The following PARP2 variants were observed in gnomAD, a reference collection of about 807,000 sequenced individuals.
PARP2 encodes poly [ADP-ribose] polymerase 2.
PARP2 carries 57 observed loss-of-function variants against 77.8 expected under a neutral mutation model. The ratio of observed to expected loss-of-function variants is 0.73; its 90% CI spans 0.59 to 0.91. The LOEUF is 0.91. Ranked by LOEUF, PARP2 falls within the 40% of genes least tolerant of loss-of-function variation. PARP2 has a pLI of 0.00. For synonymous variants in PARP2, 226 were observed against 242.6 expected (o/e 0.93, Z 0.64); for missense variants, 651 against 689.0 (o/e 0.94, Z 0.62).
Position 20,357,032 on chromosome 14 carries a change from A to C in PARP2, c.1330-19A>C. Reference sequence around the variant, plus strand: ...CAGTGGGTTAGAAGCTGACCTTGGTATTCATGTATATATTTCAGTTTGGGA... The same window carrying C: ...CAGTGGGTTAGAAGCTGACCTTGGTCTTCATGTATATATTTCAGTTTGGGA... On this transcript the variant is annotated intron_variant, in intron 13 of 15. Coordinates refer to ENST00000429687, the MANE Select transcript of PARP2 (RefSeq NM_001042618.2). 7.0e-6 allele frequency: 10 copies of C among 1,426,262 alleles called. No homozygotes were observed. The highest frequency in any genetic ancestry group is 1.4e-5 in the African/African-American group (1 of 71,422). The allele number at this position is 1,426,262 out of a possible 1,614,324, so 88.4% of individuals were successfully genotyped here. A position where few individuals can be genotyped will look rare whatever the true frequency, so the allele number is the denominator to read the frequency against.
chr14:20,356,663 C>T lies in PARP2; in HGVS notation c.1303C>T (p.Pro435Ser), dbSNP rs748252703. 6.2e-7 allele frequency: 1 copy of T among 1,613,552 alleles called. No homozygotes were observed. Among genetic ancestry groups the T allele is most frequent in the Non-Finnish European group, 8.5e-7 (1 of 1,179,492 alleles). ...GAGCCATGGGCTTCGAATTGCCCCA[C>T]CTGAAGCTCCCATCACAGGTTACAT... ...ILSHGLRIAP[P>S]EAPITGYMFG... is the part of the protein sequence containing the mutation. The change falls in exon 13 of 16, where the codon CCT becomes TCT. Residue 435 changes from proline (P) to serine (S), a missense_variant. Transcript: ENST00000429687.
At chr14:20,356,930 G>A in intron 13 of PARP2, 121 bp from the exon 14 acceptor site, 1 of 746,542 alleles carries the variant, frequency 1.3e-6, no homozygotes, top group African/African-American at 1.7e-5. Flanking sequence ...GAATTGTGAG[G>A]GGAAATGGAG....
intron 7 of PARP2, 146 bp downstream of exon 7, chr14:20,352,493 C>G: frequency 1.9e-6 from 1 of 535,658 alleles, no homozygotes; most frequent in Non-Finnish European, 3.3e-6. Context: ...AGTGATCCTC[C>G]CACCTCAGCC....
Position 20,345,400 on chromosome 14 carries a change from T to G in PARP2, c.209T>G (p.Val70Gly). ...CCTATCTGTCTTTCCTCAGAATCTGTGAAGGCCTTGCTGTTAAAGGGCAAA... is the reference window on the plus strand; with the variant it reads ...CCTATCTGTCTTTCCTCAGAATCTGGGAAGGCCTTGCTGTTAAAGGGCAAA... ...DRTEDKQDES[V>G]KALLLKGKAP... is the part of the protein sequence containing the mutation. The change falls in exon 3 of 16, where the codon GTG becomes GGG. Residue 70 changes from valine to glycine, a missense_variant. Physicochemically the swap from Val to Gly is moderately radical, Grantham distance 109. Transcript: ENST00000429687. The G allele has an allele frequency of 2.5e-6, 4 of 1,613,340 alleles. No individual in the cohort carries two copies. Among genetic ancestry groups the G allele is most frequent in the Non-Finnish European group, 3.4e-6 (4 of 1,179,308 alleles).
At position 20,352,261 on chromosome 14, in the gene PARP2, A is replaced by AC; in HGVS notation, c.514_515insC (p.Lys172ThrfsTer11). On this transcript the variant is annotated frameshift_variant, in exon 7 of 16. Coordinates refer to ENST00000429687, the MANE Select transcript of PARP2 (RefSeq NM_001042618.2). LOFTEE classifies it high-confidence loss of function. ...ACTCTACAGATTCCTTGACAAAACG[A>AC]AAAACAATTGGGAAGATCGAGAAAA... is the stretch of plus-strand genomic sequence containing the variant. 1 of 1,611,830 alleles carries AC rather than the reference A, an allele frequency of 6.2e-7. No individual in the cohort carries two copies. The highest frequency in any genetic ancestry group is 8.5e-7 in the Non-Finnish European group (1 of 1,177,928).
chr14:20,347,576 TTTTTTGGTA>T (rs1417189147), intron 4 of PARP2, among the ~76,000 whole-genome samples: 1 of 149,444 alleles, frequency 6.7e-6, no homozygotes, highest in East Asian at 2.0e-4. Context: ...GTCTGGCTAA[TTTTTTGGTA>T]TTTTTAGTAG....
At chr14:20,353,701 A>G (rs1459238472) in intron 7 of PARP2, among the ~76,000 whole-genome samples, 1 of 152,244 alleles carries the variant, frequency 6.6e-6, no homozygotes, top group Non-Finnish European at 1.5e-5. Flanking sequence ...CTGTCCGGAA[A>G]CAGTCACATA....
chr14:20,353,991 T>C (rs141664118), intron 7 of PARP2, 94 bp from the exon 8 acceptor site: 3 of 1,041,478 alleles, frequency 2.9e-6, no homozygotes, highest in Non-Finnish European at 4.3e-6. Context: ...ATAAAAACTT[T>C]ACAAAGCATT....
At position 20,357,862 on chromosome 14, in the gene PARP2, T is replaced by G; in HGVS notation, c.*65T>G. 1.4e-6 allele frequency: 2 copies of G among 1,437,672 alleles called. No homozygotes were observed. The highest frequency in any genetic ancestry group is 1.9e-6 in the Non-Finnish European group (2 of 1,040,242). The allele number at this position is 1,437,672 out of a possible 1,614,324, so 89.1% of individuals were successfully genotyped here. ...AAGAAAATAAGCAGTGTTGTACTTG[T>G]GAATTTTGTGATATTTTATGTAATA... On this transcript the variant is annotated 3_prime_UTR_variant, in exon 16 of 16. Coordinates refer to ENST00000429687, the MANE Select transcript of PARP2 (RefSeq NM_001042618.2).
At chr14:20,355,177 A>G (rs570949471) in intron 9 of PARP2, 4 of 429,446 alleles carry the variant, frequency 9.3e-6, no homozygotes, top group Non-Finnish European at 1.2e-5. Context: ...GAAGTTACCA[A>G]CCCAAGAGAG....
chr14:20,354,952 G>A lies in PARP2; in HGVS notation c.902+5G>A. 6.2e-7 allele frequency: 1 copy of A among 1,609,394 alleles called. No homozygotes were observed. The highest frequency in any genetic ancestry group is 8.5e-7 in the Non-Finnish European group (1 of 1,178,212). ...CAGGATTCCGCATGACTTTGGGTAA[G>A]GCCTGTGCTGTTACTTCACTTTGTT... On this transcript the variant is annotated splice_donor_5th_base_variant and intron_variant, in intron 9 of 15. Coordinates refer to ENST00000429687, the MANE Select transcript of PARP2 (RefSeq NM_001042618.2).
At position 20,344,860 on chromosome 14, in the gene PARP2, T is replaced by C. The variant is rs955560888; in HGVS notation, c.47-72T>C. ...TATCTTAAACCATTTCTTTAAAAGA[T>C]TTTTTTCAATCTTTAAAATCTACAC... On this transcript the variant is annotated intron_variant, in intron 1 of 15. Transcript: ENST00000429687. The C allele has an allele frequency of 6.0e-6, 6 of 1,002,214 alleles. No individual in the cohort carries two copies. The East Asian group carries it at 1.4e-4, about 24-fold the overall frequency. 62.1% of individuals were successfully genotyped at this position (1,002,214 alleles called of 1,614,324 possible).
At chr14:20,344,611 G>A (rs533910739) in intron 1 of PARP2, among the ~76,000 whole-genome samples, 10 of 152,258 alleles carry the variant, frequency 6.6e-5, no homozygotes, top group African/African-American at 1.7e-4. Flanking sequence ...TCACGAGTTC[G>A]AGACCAGCCT....
rs1883679626 is a variant in PARP2 at position 20,345,424 on chromosome 14, A to T, written c.233A>T (p.Lys78Ile). Residue 78 changes from lysine (K) to isoleucine (I), a missense_variant, in exon 3 of 16, where the codon AAA becomes ATA. Lys to Ile is a moderately radical substitution (Grantham distance 102). Transcript: ENST00000429687. ...GTGAAGGCCTTGCTGTTAAAGGGCA[A>T]AGCTCCTGTGGACCCAGAGTGTACA... ...ESVKALLLKG[K>I]APVDPECTAK... The T allele has an allele frequency of 6.2e-7, 1 of 1,613,934 alleles. No individual in the cohort carries two copies. The highest frequency in any genetic ancestry group is 1.1e-5 in the South Asian group (1 of 91,092).
chr14:20,352,387 T>C lies in PARP2; in HGVS notation c.600+40T>C, dbSNP rs777390746. On this transcript the variant is annotated intron_variant, in intron 7 of 15. Transcript: ENST00000429687. ...ACTTTTCGAAAGAAACACATCTTCTTTTTTTATTTTATTTTTTAGAGGCAA... is the reference window on the plus strand; with the variant it reads ...ACTTTTCGAAAGAAACACATCTTCTCTTTTTATTTTATTTTTTAGAGGCAA... 3 of 1,261,434 alleles carry C rather than the reference T, an allele frequency of 2.4e-6. No homozygotes were observed. In the African/African-American group the frequency reaches 4.5e-5, roughly 19 times the overall value. The allele number at this position is 1,261,434 out of a possible 1,614,324, so 78.1% of individuals were successfully genotyped here. A position where few individuals can be genotyped will look rare whatever the true frequency, so the allele number is the denominator to read the frequency against.
intron 4 of PARP2, among the ~76,000 whole-genome samples, chr14:20,349,395 C>A (rs1883880422): frequency 6.6e-6 from 1 of 151,660 alleles, no homozygotes; most frequent in African/African-American, 2.4e-5. Flanking sequence ...TCAAGCTGGG[C>A]ATGGTGGCTT....
intron 1 of PARP2, among the ~76,000 whole-genome samples, 164 bp from the exon 2 acceptor site, chr14:20,344,768 G>A (rs1566415834): frequency 6.6e-6 from 1 of 152,128 alleles, no homozygotes; most frequent in Non-Finnish European, 1.5e-5. Flanking sequence ...AGCCAAGATC[G>A]CACCACTGCA....
intron 14 of PARP2, 112 bp from the exon 15 acceptor site, chr14:20,357,284 G>A: frequency 6.7e-6 from 9 of 1,352,212 alleles, no homozygotes; most frequent in Non-Finnish European, 9.4e-6. Flanking sequence ...CTAGTACATT[G>A]GATTCCTCTG....
intron 14 of PARP2, 110 bp from the exon 15 acceptor site, chr14:20,357,286 A>C (rs1884193162): frequency 7.4e-7 from 1 of 1,359,680 alleles, no homozygotes; most frequent in Non-Finnish European, 1.0e-6. Context: ...AGTACATTGG[A>C]TTCCTCTGCT....
Sources: gnomAD v4.1 joint callset for allele counts (sites outside exome capture counted in the v4.1 genomes callset) on GRCh38, gnomAD v4.1.1 for gene constraint, MANE v1.5 for transcripts, NCBI Gene and HGNC (gene_info 2026-07-23, HGNC 2026-07-21) for gene names.